The following GABBR2 variants were observed in gnomAD, a reference collection of about 807,000 sequenced individuals.
GABBR2 encodes gamma-aminobutyric acid type B receptor subunit 2.
Under a neutral mutation model 105.6 loss-of-function variants are expected in GABBR2, and 23 were observed. The ratio of observed to expected loss-of-function variants is 0.22; its 90% CI spans 0.16 to 0.31. GABBR2 has a LOEUF of 0.31. Ranked by LOEUF, GABBR2 falls within the 10% of genes least tolerant of loss-of-function variation. GABBR2 has a pLI of 1.00. For synonymous variants in GABBR2, 478 were observed against 499.7 expected, an observed-to-expected ratio of 0.96 and a Z score of 0.58; for missense variants, 734 against 1,245.5, an observed-to-expected ratio of 0.59 and a Z score of 6.18.
intron 7 of GABBR2, among the ~76,000 whole-genome samples, chr9:98,417,288 C>T (rs1360162579): frequency 6.6e-6 from 1 of 152,142 alleles, no homozygotes; most frequent in Non-Finnish European, 1.5e-5. Flanking sequence ...TCAGTTAGCT[C>T]CCCAGGGTAA....
At chr9:98,651,498 A>T (rs1443705198) in intron 1 of GABBR2, among the ~76,000 whole-genome samples, 1 of 152,138 alleles carries the variant, frequency 6.6e-6, no homozygotes, top group Non-Finnish European at 1.5e-5. Flanking sequence ...GCAGTGGCAT[A>T]ATCATAGCTC....
intron 8 of GABBR2, among the ~76,000 whole-genome samples, chr9:98,401,990 C>G (rs1832402870): frequency 1.3e-5 from 2 of 152,194 alleles, no homozygotes; most frequent in African/African-American, 4.8e-5. Flanking sequence ...TTGGGAAGGA[C>G]AAGTCTCCCT....
At chr9:98,612,308 G>A (rs546824947) in intron 1 of GABBR2, among the ~76,000 whole-genome samples, 1 of 152,304 alleles carries the variant, frequency 6.6e-6, no homozygotes, top group Admixed American at 6.5e-5. Flanking sequence ...ACCAGCTGGA[G>A]AATAACGGCA....
intron 13 of GABBR2, among the ~76,000 whole-genome samples, chr9:98,361,887 C>A (rs1831591734): frequency 6.6e-6 from 1 of 152,158 alleles, no homozygotes; most frequent in African/African-American, 2.4e-5. Flanking sequence ...TCTATAAAAC[C>A]TTCTTGTCTA....
chr9:98,553,009 G>T (rs1828518456), intron 2 of GABBR2, among the ~76,000 whole-genome samples: 1 of 151,878 alleles, frequency 6.6e-6, no homozygotes, highest in African/African-American at 2.4e-5. Context: ...CTGAGTAGCT[G>T]GGATTATACC....
rs796383466 is a variant in GABBR2, at chr9:98,586,288, T to C, written c.322-8216A>G. On this transcript the variant is annotated intron_variant, in intron 1 of 18. Transcript: ENST00000259455. ...TTCTTTTCTTCTCTTTTCTTTCTTT[T>C]TTTTTTTTTTTTTTGTTTGTTTGTT... Among the ~76,000 whole-genome samples, 293 of 140,624 alleles carry C rather than the reference T, an allele frequency of 2.1e-3. 1 individual carries two copies. Among genetic ancestry groups the C allele is most frequent in the African/African-American group, 6.6e-3 (240 of 36,138 alleles). The allele number at this position is 140,624 out of a possible 152,430, so 92.3% of individuals were successfully genotyped here. A position where few individuals can be genotyped will look rare whatever the true frequency, so the allele number is the denominator to read the frequency against.
At chr9:98,357,838 C>G (rs567017012) in intron 13 of GABBR2, among the ~76,000 whole-genome samples, 14 of 152,226 alleles carry the variant, frequency 9.2e-5, no homozygotes, top group African/African-American at 3.1e-4. Flanking sequence ...ATCTTGAATT[C>G]TGTGTTAAAA....
chr9:98,708,326 G>T (rs1216119862), intron 1 of GABBR2, 91 bp downstream of exon 1: 4 of 1,247,976 alleles, frequency 3.2e-6, no homozygotes, highest in African/African-American at 3.1e-5. Context: ...GTCAATCGGG[G>T]ATCTGACCAA....
rs201500807 is a variant in GABBR2, at chr9:98,473,269, C to T, written c.876G>A (p.Gln292=). 1.2e-6 allele frequency: 2 copies of T among 1,613,584 alleles called. No homozygotes were observed. The highest frequency in any genetic ancestry group is 4.5e-5 in the East Asian group (2 of 44,832). The change falls in exon 6 of 19, where the codon CAG becomes CAA. Residue 292 remains glutamine, a synonymous_variant. Transcript: ENST00000259455. ...PGWYEPSWWE[Q]VHTEANSSRC... is the part of the protein sequence containing the mutation. The stretch of plus-strand genomic sequence containing the variant: ...GGGATGAGTTGGCTTCCGTGTGCAC[C>T]TGCTCCCACCAAGAAGGCTCGTACC...
At chr9:98,677,892 A>G (rs1830495150) in intron 1 of GABBR2, among the ~76,000 whole-genome samples, 1 of 152,062 alleles carries the variant, frequency 6.6e-6, no homozygotes. Flanking sequence ...TCAAACAGAA[A>G]TCACTCACCC....
At chr9:98,450,738 C>G (rs1384973049) in intron 7 of GABBR2, among the ~76,000 whole-genome samples, 1 of 152,112 alleles carries the variant, frequency 6.6e-6, no homozygotes, top group African/African-American at 2.4e-5. Flanking sequence ...CAAGCTGGAG[C>G]AGACAAAAAT....
At chr9:98,492,951 G>A (rs1176219014) in intron 4 of GABBR2, among the ~76,000 whole-genome samples, 3 of 152,158 alleles carry the variant, frequency 2.0e-5, no homozygotes, top group Admixed American at 1.3e-4. Flanking sequence ...CCCTTTGGAA[G>A]GAAGTAACTT....
chr9:98,633,049 G>A (rs1399085895), intron 1 of GABBR2, among the ~76,000 whole-genome samples: 2 of 152,184 alleles, frequency 1.3e-5, no homozygotes, highest in Non-Finnish European at 2.9e-5. Context: ...AGGTTGTAGT[G>A]TTTGTAGATA....
intron 13 of GABBR2, among the ~76,000 whole-genome samples, chr9:98,356,564 T>C (rs1184049492): frequency 6.6e-6 from 1 of 152,174 alleles, no homozygotes; most frequent in Non-Finnish European, 1.5e-5. Context: ...TGCTCGTGGG[T>C]TTGCAAAACG....
intron 1 of GABBR2, among the ~76,000 whole-genome samples, chr9:98,627,058 CTG>C (rs1166955777): frequency 6.6e-6 from 1 of 152,138 alleles, no homozygotes; most frequent in African/African-American, 2.4e-5. Flanking sequence ...TTCATGGTCT[CTG>C]AGATTTGCTT....
chr9:98,648,084 T>TGGGTGG (rs1408962801), intron 1 of GABBR2, among the ~76,000 whole-genome samples: 1 of 78,566 alleles, frequency 1.3e-5, no homozygotes, highest in East Asian at 2.8e-4. Flanking sequence ...ATACAGGGTG[T>TGGGTGG]GTGTGTGTGT....
intron 7 of GABBR2, among the ~76,000 whole-genome samples, chr9:98,443,272 T>C (rs1347347970): frequency 6.6e-6 from 1 of 152,160 alleles, no homozygotes; most frequent in Non-Finnish European, 1.5e-5. Context: ...CTGTTGAAGC[T>C]CTCATAAGCT....
At chr9:98,450,107 T>C (rs1460131430) in intron 7 of GABBR2, among the ~76,000 whole-genome samples, 1 of 152,146 alleles carries the variant, frequency 6.6e-6, no homozygotes, top group East Asian at 1.9e-4. Context: ...TGGATATAAT[T>C]AATTTAATGT....
intron 3 of GABBR2, among the ~76,000 whole-genome samples, chr9:98,520,859 G>A (rs186624703): frequency 6.6e-6 from 1 of 152,308 alleles, no homozygotes; most frequent in Non-Finnish European, 1.5e-5. Flanking sequence ...ACCATGTTTG[G>A]CAGGAGAATT....
Sources: gnomAD v4.1 joint callset for allele counts (sites outside exome capture counted in the v4.1 genomes callset) on GRCh38, gnomAD v4.1.1 for gene constraint, MANE v1.5 for transcripts, NCBI Gene and HGNC (gene_info 2026-07-23, HGNC 2026-07-21) for gene names.